PTK2: variants seen among roughly 807,000 people sequenced by gnomAD.
The protein encoded by PTK2 is focal adhesion kinase 1.
A neutral mutation model predicts 150.1 loss-of-function variants in PTK2; 45 were observed. That is an observed-to-expected ratio of 0.30 (90% CI 0.24 to 0.38). The LOEUF is 0.38. Ranked by LOEUF, PTK2 falls within the 10% of genes least tolerant of loss-of-function variation. PTK2 has a pLI of 1.00. For synonymous variants in PTK2, 432 were observed against 449.2 expected (o/e 0.96, Z 0.48); for missense variants, 919 against 1,307.3 (o/e 0.70, Z 4.58).
chr8:140,694,652 C>A (rs1224623048), intron 26 of PTK2, among the ~76,000 whole-genome samples: 1 of 152,108 alleles, frequency 6.6e-6, no homozygotes, highest in Non-Finnish European at 1.5e-5. Flanking sequence ...AGGACACAGA[C>A]CAATAGCTCT....
At position 140,735,605 on chromosome 8, in the gene PTK2, T is replaced by G. The variant is rs2100052160; in HGVS notation, c.1826-150A>C. The G allele has an allele frequency of 4.7e-6, 3 of 644,204 alleles. No individual in the cohort carries two copies. In the East Asian group the frequency reaches 8.2e-5, roughly 18 times the overall value. The allele number at this position is 644,204 out of a possible 1,614,324, so 39.9% of individuals were successfully genotyped here. A position where few individuals can be genotyped will look rare whatever the true frequency, so the allele number is the denominator to read the frequency against. On this transcript the variant is annotated intron_variant, in intron 21 of 31. Coordinates refer to ENST00000522684, the Ensembl canonical transcript of PTK2. ...CAAAGCAGCATTATATTAACTCTAG[T>G]ATAAAATAACCTAACGATTTAACAT...
At chr8:140,906,889 C>T (rs749417289) in intron 2 of PTK2, among the ~76,000 whole-genome samples, 1 of 152,054 alleles carries the variant, frequency 6.6e-6, no homozygotes, top group African/African-American at 2.4e-5. Flanking sequence ...ACAGGTATCA[C>T]GTATACCTCA....
intron 17 of PTK2, among the ~76,000 whole-genome samples, chr8:140,751,189 G>C (rs1289845452): frequency 2.6e-5 from 4 of 152,096 alleles, no homozygotes; most frequent in African/African-American, 9.7e-5. Flanking sequence ...GTTTTTTGGA[G>C]ACAGGGTCTC....
At chr8:140,892,364 T>C (rs1237967671) in intron 2 of PTK2, among the ~76,000 whole-genome samples, 1 of 151,782 alleles carries the variant, frequency 6.6e-6, no homozygotes, top group Non-Finnish European at 1.5e-5. Context: ...GCAAAACCCA[T>C]CTCTACAAAA....
At chr8:140,831,239 T>C (rs545675447) in intron 7 of PTK2, among the ~76,000 whole-genome samples, 1 of 152,332 alleles carries the variant, frequency 6.6e-6, no homozygotes, top group Admixed American at 6.5e-5. Flanking sequence ...CTTTTCCTAG[T>C]ACTTTGGTTA....
chr8:140,949,958 T>TA (rs2100178966), intron 1 of PTK2, among the ~76,000 whole-genome samples: 1 of 151,992 alleles, frequency 6.6e-6, no homozygotes, highest in Non-Finnish European at 1.5e-5. Flanking sequence ...TCTGAGCCCA[T>TA]AAAAACCCCA....
At chr8:140,973,500 G>T (rs556554875) in intron 1 of PTK2, among the ~76,000 whole-genome samples, 56 of 150,548 alleles carry the variant, frequency 3.7e-4, no homozygotes, top group African/African-American at 1.4e-3. Flanking sequence ...ACACACACAC[G>T]TAAAAAAAAA....
chr8:140,964,248 A>G (rs1237552507), intron 1 of PTK2, among the ~76,000 whole-genome samples: 1 of 152,162 alleles, frequency 6.6e-6, no homozygotes, highest in African/African-American at 2.4e-5. Flanking sequence ...TTTTTAAGAG[A>G]CAGGGTCTTG....
chr8:140,984,672 T>G lies in PTK2; in HGVS notation c.-122+16453A>C, dbSNP rs547004530. 1.3e-3 allele frequency among the ~76,000 whole-genome samples: 193 copies of G among 152,252 alleles called. 1 individual carries two copies. The highest frequency in any genetic ancestry group is 6.8e-3 in the Middle Eastern group (2 of 294). On this transcript the variant is annotated intron_variant, in intron 1 of 31. Transcript: ENST00000522684. ...TGATCCCAAACCAAAGGTAAACATGTGCTGGCAAGCTACCCCAGGTGGCGA... is the reference window on the plus strand; with the variant it reads ...TGATCCCAAACCAAAGGTAAACATGGGCTGGCAAGCTACCCCAGGTGGCGA...
chr8:140,901,821 C>T (rs142815619), intron 2 of PTK2, among the ~76,000 whole-genome samples: 2 of 152,074 alleles, frequency 1.3e-5, no homozygotes, highest in Admixed American at 6.5e-5. Context: ...AACAATCCTG[C>T]GACAGGCCCC....
At chr8:140,769,836 T>A (rs2100074543) in intron 14 of PTK2, among the ~76,000 whole-genome samples, 1 of 152,246 alleles carries the variant, frequency 6.6e-6, no homozygotes, top group Non-Finnish European at 1.5e-5. Context: ...ATGTATTACA[T>A]GAAGTTACAC....
At chr8:140,950,824 G>T (rs1257192600) in intron 1 of PTK2, among the ~76,000 whole-genome samples, 2 of 152,090 alleles carry the variant, frequency 1.3e-5, no homozygotes, top group Non-Finnish European at 2.9e-5. Context: ...TATATGAGAG[G>T]ACATACATAG....
chr8:140,785,726 G>A (rs1389473988), intron 14 of PTK2, among the ~76,000 whole-genome samples: 1 of 152,158 alleles, frequency 6.6e-6, no homozygotes, highest in Non-Finnish European at 1.5e-5. Context: ...ATAATGACCT[G>A]AGTTCCGATC....
At chr8:140,860,462 T>C (rs2100135392) in intron 5 of PTK2, among the ~76,000 whole-genome samples, 2 of 152,130 alleles carry the variant, frequency 1.3e-5, no homozygotes, top group Admixed American at 1.3e-4. Flanking sequence ...AATTCATGCA[T>C]TTTGACAAAT....
intron 1 of PTK2, among the ~76,000 whole-genome samples, chr8:140,972,969 CCT>C (rs755290932): frequency 3.9e-5 from 6 of 152,146 alleles, no homozygotes; most frequent in Non-Finnish European, 7.4e-5. Flanking sequence ...TATTCAAATC[CCT>C]GATAGAAATG....
intron 4 of PTK2, among the ~76,000 whole-genome samples, chr8:140,878,869 G>A (rs75566237): frequency 0.019 from 2,949 of 151,298 alleles, 101 homozygotes; most frequent in African/African-American, 0.067. Context: ...AAAATTAGTA[G>A]GGGAGACCAG....
At chr8:140,660,330 T>C (rs1563742636) in intron 31 of PTK2, among the ~76,000 whole-genome samples, 1 of 152,186 alleles carries the variant, frequency 6.6e-6, no homozygotes. Context: ...CTCTTTAGTC[T>C]CCAAGCCAGG....
At chr8:140,818,326 G>A (rs1487082018) in exon 10 of PTK2, 3 of 1,613,890 alleles carry the variant, frequency 1.9e-6, no homozygotes. Context: ...TGGGCCGATT[G>A]CCAGTTCCAC....
chr8:140,694,234 G>C (rs1590623007), intron 26 of PTK2, among the ~76,000 whole-genome samples: 1 of 151,774 alleles, frequency 6.6e-6, no homozygotes. Context: ...GTAGAGACGG[G>C]GTTTCACCAT....
Sources: allele counts gnomAD v4.1 joint callset (sites outside exome capture counted in the v4.1 genomes callset), GRCh38; gene constraint gnomAD v4.1.1; transcripts MANE v1.5; gene names NCBI Gene and HGNC (gene_info 2026-07-23, HGNC 2026-07-21).